LCP2: variants seen among roughly 807,000 people sequenced by gnomAD.
The protein encoded by LCP2 is 76 kDa tyrosine phosphoprotein.
A neutral mutation model predicts 74.5 loss-of-function variants in LCP2; 29 were observed. That is an observed-to-expected ratio of 0.39 (90% CI 0.29 to 0.53). The LOEUF is 0.53. Among genes scored for constraint, LCP2 ranks in the 20% least tolerant of loss-of-function variants. The pLI is 0.72. For synonymous variants in LCP2, 228 were observed against 229.5 expected (o/e 0.99, Z 0.06); for missense variants, 604 against 634.6 (o/e 0.95, Z 0.52).
intron 10 of LCP2, 27 bp downstream of exon 10, chr5:170,266,781 T>A (rs756505728): frequency 6.4e-7 from 1 of 1,566,520 alleles, no homozygotes; most frequent in East Asian, 2.2e-5. Flanking sequence ...TCATTATTAC[T>A]ATGCATTAAA....
rs1038864081 is a variant in LCP2 at position 170,248,244 on chromosome 5, G to A, written c.*453C>T. On this transcript the variant is annotated 3_prime_UTR_variant, in exon 21 of 21. Transcript: ENST00000046794. ...ATTGCTGCTGAGAAAACGAGGTTTA[G>A]TGATTTTCAAATTACATGTATAAAA... 2.6e-5 allele frequency: 4 copies of A among 152,866 alleles called. No individual in the cohort carries two copies. Among genetic ancestry groups the A allele is most frequent in the Non-Finnish European group, 5.9e-5 (4 of 68,204 alleles). 9.5% of individuals were successfully genotyped at this position (152,866 alleles called of 1,614,324 possible).
At chr5:170,263,297 G>T (rs962246038) in intron 10 of LCP2, among the ~76,000 whole-genome samples, 3 of 152,114 alleles carry the variant, frequency 2.0e-5, no homozygotes, top group African/African-American at 4.8e-5. Context: ...TATAACTGAT[G>T]ATCAAAAGGA....
intron 3 of LCP2, among the ~76,000 whole-genome samples, chr5:170,284,410 G>A (rs1762150343): frequency 6.6e-6 from 1 of 150,852 alleles, no homozygotes. Flanking sequence ...TTACTTTCGA[G>A]AAAGCTGTTG....
intron 2 of LCP2, among the ~76,000 whole-genome samples, chr5:170,289,735 G>GTCTTT (rs1211971440): frequency 7.9e-5 from 7 of 88,778 alleles, no homozygotes; most frequent in Admixed American, 2.5e-4. Flanking sequence ...TTCCTTTCCT[G>GTCTTT]TCTTTTCTTT....
intron 3 of LCP2, among the ~76,000 whole-genome samples, chr5:170,280,614 A>C (rs1168704008): frequency 1.3e-5 from 2 of 152,132 alleles, no homozygotes; most frequent in Non-Finnish European, 2.9e-5. Flanking sequence ...CTTGTCACCC[A>C]TGTCCCCTAC....
chr5:170,250,616 T>G, intron 20 of LCP2, 114 bp downstream of exon 20: 1 of 799,420 alleles, frequency 1.3e-6, no homozygotes, highest in Non-Finnish European at 2.1e-6. Context: ...TTCACTCATG[T>G]GATTTAATCC....
intron 17 of LCP2, among the ~76,000 whole-genome samples, chr5:170,253,479 A>G (rs1338525964): frequency 6.6e-6 from 1 of 152,238 alleles, no homozygotes; most frequent in Non-Finnish European, 1.5e-5. Flanking sequence ...TGTGCATGTT[A>G]CATAATATAA....
At chr5:170,287,045 T>C (rs956504945) in intron 3 of LCP2, among the ~76,000 whole-genome samples, 4 of 152,164 alleles carry the variant, frequency 2.6e-5, no homozygotes, top group African/African-American at 9.7e-5. Context: ...TCTTGATAAA[T>C]TTGAAGATAG....
At position 170,248,416 on chromosome 5, in the gene LCP2, C is replaced by T. The variant is rs1761348074; in HGVS notation, c.*281G>A. 3.6e-6 allele frequency: 1 copy of T among 280,232 alleles called. No individual in the cohort carries two copies. The allele number at this position is 280,232 out of a possible 1,614,324, so 17.4% of individuals were successfully genotyped here. A position where few individuals can be genotyped will look rare whatever the true frequency, so the allele number is the denominator to read the frequency against. On this transcript the variant is annotated 3_prime_UTR_variant, in exon 21 of 21. Transcript: ENST00000046794. ...GTAAACTACTGTATTTTGAAATGGG[C>T]ATTAAATAATCTTTTAAAAAATGAA...
At chr5:170,261,462 TATAC>T in intron 13 of LCP2, among the ~76,000 whole-genome samples, 1 of 102,986 alleles carries the variant, frequency 9.7e-6, no homozygotes, top group Middle Eastern at 5.2e-3. Context: ...ACTATATGTA[TATAC>T]ACACACACAC....
At chr5:170,271,224 T>G (rs1222225900) in intron 6 of LCP2, among the ~76,000 whole-genome samples, 2 of 152,154 alleles carry the variant, frequency 1.3e-5, no homozygotes, top group African/African-American at 2.4e-5. Context: ...CGGAATAGGC[T>G]CTGTCTTGAG....
At chr5:170,262,570 C>T (rs1208996291) in intron 13 of LCP2, 65 bp downstream of exon 13, 24 of 1,249,292 alleles carry the variant, frequency 1.9e-5, no homozygotes, top group Non-Finnish European at 2.6e-5. Flanking sequence ...ACTGCAGAGT[C>T]AGCACAGGGC....
At chr5:170,280,896 C>T (rs766295239) in intron 3 of LCP2, among the ~76,000 whole-genome samples, 9 of 152,020 alleles carry the variant, frequency 5.9e-5, no homozygotes, top group Non-Finnish European at 1.0e-4. Flanking sequence ...CCCAGCTACT[C>T]GGGAGGCCGA....
rs201314894 is a variant in LCP2, at chr5:170,262,882, T to C, written c.799-21A>G. 1,843 of 1,613,682 alleles carry C rather than the reference T, an allele frequency of 1.1e-3. 4 individuals carry two copies. The highest frequency in any genetic ancestry group is 1.5e-3 in the Non-Finnish European group (1,791 of 1,179,880). ...GAGGGCTGCAAGACAGGAGGAAAAATGTATGAGTGTCCAAGCACTTTTCAA... is the reference window on the plus strand; with the variant it reads ...GAGGGCTGCAAGACAGGAGGAAAAACGTATGAGTGTCCAAGCACTTTTCAA... On this transcript the variant is annotated intron_variant, in intron 11 of 20. Coordinates refer to ENST00000046794, the MANE Select transcript of LCP2 (RefSeq NM_005565.5).
chr5:170,258,622 T>A (rs1761601769), intron 15 of LCP2: 1 of 430,772 alleles, frequency 2.3e-6, no homozygotes, highest in Admixed American at 3.9e-5. Context: ...CAATTTTACA[T>A]TTTGTGATAC....
intron 3 of LCP2, among the ~76,000 whole-genome samples, chr5:170,279,087 C>T (rs576575210): frequency 3.9e-5 from 6 of 152,258 alleles, no homozygotes; most frequent in African/African-American, 1.4e-4. Flanking sequence ...TCTCCCTTCA[C>T]CCCATAAACC....
chr5:170,247,902 T>C lies in LCP2; in HGVS notation c.*795A>G, dbSNP rs574570590. The C allele has an allele frequency of 6.6e-6, 1 of 152,344 alleles. No homozygotes were observed. Among genetic ancestry groups the C allele is most frequent in the East Asian group, 1.9e-4 (1 of 5,192 alleles). The allele number at this position is 152,344 out of a possible 1,614,324, so 9.4% of individuals were successfully genotyped here. A position where few individuals can be genotyped will look rare whatever the true frequency, so the allele number is the denominator to read the frequency against. On this transcript the variant is annotated 3_prime_UTR_variant, in exon 21 of 21. Transcript: ENST00000046794. ...GTGATGGTTGGTGTGGGTGTGGAGA[T>C]GTGAAGAAATGCCAACTTAACCCCA...
At chr5:170,263,101 G>A in intron 10 of LCP2, 109 bp from the exon 11 acceptor site, 2 of 1,305,666 alleles carry the variant, frequency 1.5e-6, no homozygotes, top group Non-Finnish European at 2.2e-6. Flanking sequence ...GGGGGTTGAT[G>A]GGGTTTAAGC....
intron 15 of LCP2, chr5:170,258,450 A>T (rs1222651465): frequency 5.4e-6 from 2 of 368,426 alleles, no homozygotes; most frequent in African/African-American, 4.1e-5. Context: ...CTTGGCAGAA[A>T]ATTGTCAGCT....
Sources: gnomAD v4.1 joint callset for allele counts (sites outside exome capture counted in the v4.1 genomes callset) on GRCh38, gnomAD v4.1.1 for gene constraint, MANE v1.5 for transcripts, NCBI Gene and HGNC (gene_info 2026-07-23, HGNC 2026-07-21) for gene names.